C1QTNF7: variants seen among roughly 807,000 people sequenced by gnomAD.
C1QTNF7 encodes complement C1q tumor necrosis factor-related protein 7.
In C1QTNF7, 15 loss-of-function variants were observed where a neutral mutation model predicts 19.6. The observed-to-expected ratio is 0.76, with a 90% CI of 0.51 to 1.18. The LOEUF is 1.18. Among genes scored for constraint, C1QTNF7 ranks in the 50% most tolerant of loss-of-function variants. The pLI, the probability that C1QTNF7 is intolerant of heterozygous loss-of-function variation, is 0.00. For missense variants in C1QTNF7, 324 were observed against 359.7 expected (o/e 0.90, Z 0.80); for synonymous variants, 142 against 137.5 (o/e 1.03, Z -0.23).
At chr4:15,341,344 T>G (rs1716529759) in intron 1 of C1QTNF7, among the ~76,000 whole-genome samples, 1 of 152,218 alleles carries the variant, frequency 6.6e-6, no homozygotes, top group Admixed American at 6.5e-5. Flanking sequence ...CTGAGAGGGC[T>G]CTGCCTTCTT....
At chr4:15,374,865 C>A in intron 1 of C1QTNF7, 2 of 597,932 alleles carry the variant, frequency 3.3e-6, no homozygotes, top group Non-Finnish European at 4.0e-6. Context: ...CTCTCTCTCT[C>A]TCTCTCTTTT....
chr4:15,339,831 C>T (rs116480034), upstream of C1QTNF7: 1,168 of 307,532 alleles, frequency 3.8e-3, 2 homozygotes, highest in Non-Finnish European at 5.7e-3. Context: ...AGAACACTAC[C>T]CACTCCTACT....
At position 15,367,068 on chromosome 4, in the gene C1QTNF7, C is replaced by A. The variant is rs547955782; in HGVS notation, c.13+26861C>A. 2.0e-4 allele frequency among the ~76,000 whole-genome samples: 30 copies of A among 152,270 alleles called. No homozygotes were observed. In the Middle Eastern group the frequency reaches 0.014, roughly 69 times the overall value. On this transcript the variant is annotated intron_variant, in intron 1 of 2. Transcript: ENST00000295297. ...TGCTGAGATTTGGAACTTCTTTCTGCTTTTGAATCAATTAATGAAGCAATA... is the reference window on the plus strand; with the variant it reads ...TGCTGAGATTTGGAACTTCTTTCTGATTTTGAATCAATTAATGAAGCAATA...
upstream of C1QTNF7, among the ~76,000 whole-genome samples, chr4:15,425,673 G>A (rs564383108): frequency 6.6e-6 from 1 of 152,290 alleles, no homozygotes; most frequent in East Asian, 1.9e-4. Flanking sequence ...GGATCAGACT[G>A]TCTAAATTAC....
intron 1 of C1QTNF7, among the ~76,000 whole-genome samples, chr4:15,431,825 A>G (rs1712324736): frequency 2.0e-5 from 3 of 152,228 alleles, no homozygotes; most frequent in African/African-American, 7.2e-5. Context: ...TTCTATCAGG[A>G]AAAATATAGA....
intron 2 of C1QTNF7, among the ~76,000 whole-genome samples, chr4:15,437,158 T>C (rs1029972): frequency 0.95 from 144,388 of 152,208 alleles, 68,569 homozygotes; most frequent in East Asian, 1. Flanking sequence ...TATAATAACA[T>C]CAGGATTATA....
intron 1 of C1QTNF7, among the ~76,000 whole-genome samples, chr4:15,346,959 G>C (rs1716740250): frequency 6.6e-6 from 1 of 152,120 alleles, no homozygotes; most frequent in Non-Finnish European, 1.5e-5. Flanking sequence ...AGGAATCTGA[G>C]TCCATTCTCT....
intron 2 of C1QTNF7, among the ~76,000 whole-genome samples, chr4:15,439,883 A>G (rs1423862369): frequency 6.6e-6 from 1 of 151,862 alleles, no homozygotes; most frequent in East Asian, 1.9e-4. Context: ...ATATATAACA[A>G]TGCCTTATAT....
At chr4:15,400,891 G>C (rs570024164) in intron 1 of C1QTNF7, among the ~76,000 whole-genome samples, 3 of 152,102 alleles carry the variant, frequency 2.0e-5, no homozygotes, top group Admixed American at 6.5e-5. Flanking sequence ...ACCATTTCCC[G>C]ATACCCCCAT....
chr4:15,356,430 C>T (rs1717149345), intron 1 of C1QTNF7, among the ~76,000 whole-genome samples: 1 of 152,176 alleles, frequency 6.6e-6, no homozygotes, highest in Admixed American at 6.5e-5. Context: ...GACATGAACT[C>T]ACCCTTTTTT....
At chr4:15,345,922 G>A (rs1421285527) in intron 1 of C1QTNF7, among the ~76,000 whole-genome samples, 3 of 152,074 alleles carry the variant, frequency 2.0e-5, no homozygotes, top group African/African-American at 7.2e-5. Flanking sequence ...CTAAGAGATG[G>A]AGCAGATGTT....
chr4:15,367,776 T>C (rs1277756212), intron 1 of C1QTNF7, among the ~76,000 whole-genome samples: 1 of 151,970 alleles, frequency 6.6e-6, no homozygotes, highest in Non-Finnish European at 1.5e-5. Context: ...ATCAATGAAC[T>C]TTGCTAGCAC....
chr4:15,410,368 A>G (rs1383429283), intron 1 of C1QTNF7, among the ~76,000 whole-genome samples: 1 of 152,208 alleles, frequency 6.6e-6, no homozygotes, highest in Non-Finnish European at 1.5e-5. Context: ...CAGGCTGTTA[A>G]CGTGTGAGCT....
intron 1 of C1QTNF7, among the ~76,000 whole-genome samples, chr4:15,432,795 G>T (rs2108936122): frequency 6.6e-6 from 1 of 152,272 alleles, no homozygotes; most frequent in East Asian, 1.9e-4. Context: ...CTCCTATACA[G>T]GCAGTAGTAT....
chr4:15,400,720 A>C (rs1025835694), intron 1 of C1QTNF7, among the ~76,000 whole-genome samples: 2 of 152,346 alleles, frequency 1.3e-5, no homozygotes, highest in Non-Finnish European at 2.9e-5. Flanking sequence ...AAAGAGGCTA[A>C]GTTAGGCAGC....
chr4:15,433,144 C>T (rs1252349660), intron 1 of C1QTNF7, among the ~76,000 whole-genome samples: 1 of 152,150 alleles, frequency 6.6e-6, no homozygotes, highest in African/African-American at 2.4e-5. Context: ...CCTTGCACCC[C>T]ATGTCTAGTT....
intron 1 of C1QTNF7, chr4:15,340,229 AG>A: frequency 1.3e-6 from 2 of 1,551,430 alleles, no homozygotes; most frequent in Non-Finnish European, 1.7e-6. Context: ...TTTTCACTGC[AG>A]TTTTTCTCTT....
upstream of C1QTNF7, among the ~76,000 whole-genome samples, chr4:15,427,552 T>A (rs920934418): frequency 2.6e-5 from 4 of 152,200 alleles, no homozygotes; most frequent in Non-Finnish European, 5.9e-5. Context: ...GCACATAGAA[T>A]GAGGGGCTAT....
chr4:15,357,710 C>T (rs111586458), intron 1 of C1QTNF7, among the ~76,000 whole-genome samples: 1 of 152,160 alleles, frequency 6.6e-6, no homozygotes, highest in Non-Finnish European at 1.5e-5. Context: ...TTCTTCCTAT[C>T]CATGAGCATG....
Sources: gnomAD v4.1 joint callset for allele counts (sites outside exome capture counted in the v4.1 genomes callset) on GRCh38, gnomAD v4.1.1 for gene constraint, MANE v1.5 for transcripts, NCBI Gene and HGNC (gene_info 2026-07-23, HGNC 2026-07-21) for gene names.